QTMAN: variants seen among roughly 807,000 people sequenced by gnomAD.
QTMAN encodes the protein tRNA-queuosine alpha-mannosyltransferase.
At chr2:144,036,510 T>C in the QTMAN span, among the ~76,000 whole-genome samples, 1 of 152,194 alleles carries the variant, frequency 6.6e-6, no homozygotes, top group Non-Finnish European at 1.5e-5. Context: ...ACAAACAAGA[T>C]TATATATCAT....
At chr2:144,259,064 T>TAGGACAGTCAGTGGATGTCAG in the QTMAN span, among the ~76,000 whole-genome samples, 1 of 152,240 alleles carries the variant, frequency 6.6e-6, no homozygotes, top group Non-Finnish European at 1.5e-5. Context: ...CATCCAGAGA[T>TAGGACAGTCAGTGGATGTCAG]AGGACAGTCA....
the QTMAN span, among the ~76,000 whole-genome samples, chr2:144,158,764 C>T: frequency 1.3e-5 from 2 of 151,942 alleles, no homozygotes; most frequent in South Asian, 2.1e-4. Context: ...ATTATGGTTC[C>T]CTCAGCAACT....
chr2:143,946,069 A>G, the QTMAN span: 1 of 152,210 alleles, frequency 6.6e-6, no homozygotes, highest in Non-Finnish European at 1.5e-5. Flanking sequence ...TAGCCATTCA[A>G]AACATCTTTA....
the QTMAN span, among the ~76,000 whole-genome samples, chr2:144,166,212 T>C: frequency 6.6e-6 from 1 of 152,206 alleles, no homozygotes; most frequent in Admixed American, 6.5e-5. Flanking sequence ...ATGCTACTGC[T>C]ATCTAATTTG....
chr2:144,003,967 G>A, the QTMAN span, among the ~76,000 whole-genome samples: 3 of 151,964 alleles, frequency 2.0e-5, no homozygotes, highest in African/African-American at 7.2e-5. Context: ...GATAGAGGAG[G>A]GTTTTATTTT....
the QTMAN span, among the ~76,000 whole-genome samples, chr2:144,022,560 C>CTTTT: frequency 1.4e-3 from 143 of 104,252 alleles, 2 homozygotes; most frequent in African/African-American, 3.3e-3. Context: ...CTCTCTCTCT[C>CTTTT]TTTTTTTTTT....
the QTMAN span, among the ~76,000 whole-genome samples, chr2:144,017,318 A>T: frequency 6.6e-6 from 1 of 152,122 alleles, no homozygotes; most frequent in Non-Finnish European, 1.5e-5. Flanking sequence ...GTTACTTTTT[A>T]AAAAATTAAA....
At chr2:144,137,694 A>G in the QTMAN span, among the ~76,000 whole-genome samples, 1 of 152,024 alleles carries the variant, frequency 6.6e-6, no homozygotes, top group South Asian at 2.1e-4. Context: ...TGGCGCCTTT[A>G]TCCATAAAAT....
At chr2:144,130,266 C>G in the QTMAN span, among the ~76,000 whole-genome samples, 1 of 151,816 alleles carries the variant, frequency 6.6e-6, no homozygotes, top group Non-Finnish European at 1.5e-5. Flanking sequence ...TCCTATTAGG[C>G]CAAAAGTGCA....
the QTMAN span, among the ~76,000 whole-genome samples, chr2:144,330,343 G>A: frequency 6.5e-4 from 99 of 152,250 alleles, 1 homozygote; most frequent in East Asian, 0.018. Flanking sequence ...TGTGAAGTAG[G>A]CTATACCATG....
the QTMAN span, among the ~76,000 whole-genome samples, chr2:144,056,984 A>G: frequency 1.6e-4 from 25 of 152,348 alleles, no homozygotes; most frequent in Non-Finnish European, 2.8e-4. Flanking sequence ...ATATTAAGAT[A>G]ATTTTACTTC....
the QTMAN span, among the ~76,000 whole-genome samples, chr2:144,009,579 T>C: frequency 2.0e-5 from 3 of 152,054 alleles, no homozygotes; most frequent in Non-Finnish European, 4.4e-5. Context: ...CTCAAACAAA[T>C]ACATAAGAAC....
chr2:144,180,317 T>C, the QTMAN span, among the ~76,000 whole-genome samples: 1 of 152,166 alleles, frequency 6.6e-6, no homozygotes, highest in Admixed American at 6.6e-5. Flanking sequence ...CCAAGATTTT[T>C]TGGGAGTGGT....
At chr2:144,204,140 A>T in the QTMAN span, among the ~76,000 whole-genome samples, 1 of 152,232 alleles carries the variant, frequency 6.6e-6, no homozygotes, top group East Asian at 1.9e-4. Context: ...GCCAAAATTG[A>T]CAAATGGGAT....
chr2:144,196,441 TAC>T, the QTMAN span, among the ~76,000 whole-genome samples: 4 of 152,110 alleles, frequency 2.6e-5, no homozygotes, highest in African/African-American at 9.7e-5. Flanking sequence ...ATACTGGATA[TAC>T]AGAGAAACTA....
chr2:144,314,322 T>C, the QTMAN span, among the ~76,000 whole-genome samples: 1 of 152,166 alleles, frequency 6.6e-6, no homozygotes, highest in East Asian at 1.9e-4. Flanking sequence ...CTCATATATA[T>C]GAAGCTCAAG....
the QTMAN span, among the ~76,000 whole-genome samples, chr2:144,090,116 G>A: frequency 6.6e-6 from 1 of 151,812 alleles, no homozygotes. Flanking sequence ...AACAAGCAAA[G>A]GTAAGATTAT....
chr2:144,330,652 ATAAAT>A, the QTMAN span, among the ~76,000 whole-genome samples: 3 of 152,258 alleles, frequency 2.0e-5, no homozygotes, highest in Admixed American at 6.5e-5. Flanking sequence ...GGTCCAAATC[ATAAAT>A]TAAGGAAAAA....
chr2:144,214,655 A>G, the QTMAN span, among the ~76,000 whole-genome samples: 4 of 152,148 alleles, frequency 2.6e-5, no homozygotes, highest in Non-Finnish European at 4.4e-5. Flanking sequence ...TACCCCCCTC[A>G]ATGCCATGGA....
Sources: allele counts gnomAD v4.1 joint callset (sites outside exome capture counted in the v4.1 genomes callset), GRCh38; gene constraint gnomAD v4.1.1; transcripts MANE v1.5; gene names NCBI Gene and HGNC (gene_info 2026-07-23, HGNC 2026-07-21).